GRM1: variants seen among roughly 807,000 people sequenced by gnomAD.
GRM1 encodes glutamate metabotropic receptor 1.
GRM1 carries 33 observed loss-of-function variants against 90.9 expected under a neutral mutation model. That is an observed-to-expected ratio of 0.36 (90% CI 0.28 to 0.49). The LOEUF (loss-of-function observed/expected upper bound fraction) is 0.49, where lower values mean the gene tolerates loss of function less well. GRM1 is among the 20% of genes least tolerant of loss of function. The pLI is 0.99. For missense variants in GRM1, 1,190 were observed against 1,534.3 expected (o/e 0.78, Z 3.75); for synonymous variants, 700 against 613.2 (o/e 1.14, Z -2.09).
chr6:146,226,321 A>G (rs1022898127), intron 2 of GRM1, among the ~76,000 whole-genome samples: 10 of 152,118 alleles, frequency 6.6e-5, no homozygotes, highest in Non-Finnish European at 8.8e-5. Context: ...TTCAGGAAAA[A>G]TCAACTTCAA....
At position 146,029,962 on chromosome 6, in the gene GRM1, C is replaced by G. The variant is rs201784351; in HGVS notation, c.445C>G (p.Pro149Ala). The stretch of plus-strand genomic sequence containing the variant: ...TCTGCCTGACGGCCAGTCCCTCCCC[C>G]CAGGCAGGACTAAGAAGCCCATTGC... ...RCLPDGQSLP[P>A]GRTKKPIAGV... Residue 149 changes from proline (P) to alanine (A), a missense_variant, in exon 1 of 8, where the codon CCA becomes GCA. Coordinates refer to ENST00000282753, the MANE Select transcript of GRM1 (RefSeq NM_001278064.2). The G allele has an allele frequency of 2.6e-5, 42 of 1,613,902 alleles. No homozygotes were observed. The highest frequency in any genetic ancestry group is 1.5e-4 in the Admixed American group (9 of 59,998).
chr6:146,382,862 C>T (rs1039369198), intron 5 of GRM1, among the ~76,000 whole-genome samples: 2 of 152,090 alleles, frequency 1.3e-5, no homozygotes, highest in African/African-American at 4.8e-5. Flanking sequence ...GAAAAGATGG[C>T]ATAGTCCTTT....
chr6:146,345,026 G>T (rs1785127685), intron 3 of GRM1, among the ~76,000 whole-genome samples: 1 of 152,052 alleles, frequency 6.6e-6, no homozygotes, highest in African/African-American at 2.4e-5. Flanking sequence ...GGTCAGGCTG[G>T]TCTCAAACTC....
intron 1 of GRM1, among the ~76,000 whole-genome samples, chr6:146,079,277 A>C (rs1440535481): frequency 6.6e-6 from 1 of 152,172 alleles, no homozygotes; most frequent in African/African-American, 2.4e-5. Flanking sequence ...AGTGATTTTT[A>C]GTTTAAAGGC....
chr6:146,398,382 A>C (rs1358582785), intron 6 of GRM1, among the ~76,000 whole-genome samples: 2 of 152,194 alleles, frequency 1.3e-5, no homozygotes, highest in Non-Finnish European at 2.9e-5. Flanking sequence ...TTTATTTCTT[A>C]ATAATTTATT....
intron 1 of GRM1, among the ~76,000 whole-genome samples, chr6:146,117,437 A>G (rs1562473769): frequency 6.6e-6 from 1 of 151,642 alleles, no homozygotes; most frequent in African/African-American, 2.4e-5. Flanking sequence ...TTATTGACCT[A>G]TTTGTTTATT....
chr6:146,345,767 A>T (rs892952391), intron 3 of GRM1, among the ~76,000 whole-genome samples: 6 of 152,202 alleles, frequency 3.9e-5, no homozygotes, highest in Non-Finnish European at 1.5e-5. Context: ...AGGCTTGGCA[A>T]GGATTCTGAC....
At chr6:146,170,000 T>C (rs193014720) in intron 2 of GRM1, among the ~76,000 whole-genome samples, 1 of 152,346 alleles carries the variant, frequency 6.6e-6, no homozygotes, top group Non-Finnish European at 1.5e-5. Context: ...GAGAATGTCT[T>C]TATTTCACCT....
chr6:146,281,977 A>G (rs1244691531), intron 2 of GRM1, among the ~76,000 whole-genome samples: 1 of 152,220 alleles, frequency 6.6e-6, no homozygotes, highest in Non-Finnish European at 1.5e-5. Flanking sequence ...CCAGTGGAGG[A>G]GGTTGACAGG....
At chr6:146,107,229 A>G (rs370853328) in intron 1 of GRM1, among the ~76,000 whole-genome samples, 60 of 152,332 alleles carry the variant, frequency 3.9e-4, no homozygotes, top group African/African-American at 1.4e-3. Context: ...GTCAAATACT[A>G]CTATTATTGT....
chr6:146,347,201 T>C (rs1387503467), intron 3 of GRM1, among the ~76,000 whole-genome samples: 1 of 152,214 alleles, frequency 6.6e-6, no homozygotes, highest in African/African-American at 2.4e-5. Context: ...TAATAATTTT[T>C]GCTAACAAAT....
chr6:146,135,904 A>G (rs1230292409), intron 1 of GRM1, among the ~76,000 whole-genome samples: 1 of 152,036 alleles, frequency 6.6e-6, no homozygotes, highest in Non-Finnish European at 1.5e-5. Flanking sequence ...ATACCCATTA[A>G]CTATCCCCAC....
intron 2 of GRM1, among the ~76,000 whole-genome samples, chr6:146,304,297 T>C (rs1783496143): frequency 6.6e-6 from 1 of 152,208 alleles, no homozygotes; most frequent in Non-Finnish European, 1.5e-5. Context: ...GCTTTGTGGC[T>C]GAATGTCTTC....
chr6:146,163,884 T>A (rs1562502650), intron 2 of GRM1, among the ~76,000 whole-genome samples: 2 of 152,174 alleles, frequency 1.3e-5, no homozygotes, highest in East Asian at 3.8e-4. Context: ...AACGGATAAC[T>A]CATTTAACCT....
intron 2 of GRM1, among the ~76,000 whole-genome samples, chr6:146,178,838 T>C (rs1778431968): frequency 6.6e-6 from 1 of 152,224 alleles, no homozygotes; most frequent in Non-Finnish European, 1.5e-5. Flanking sequence ...ACTTGTGTAC[T>C]GTTCATTATG....
intron 2 of GRM1, chr6:146,171,786 A>C (rs1271754943): frequency 3.3e-6 from 1 of 301,518 alleles, no homozygotes; most frequent in Non-Finnish European, 6.8e-6. Context: ...TCATTTGTGA[A>C]GAAGAATGTT....
intron 5 of GRM1, among the ~76,000 whole-genome samples, chr6:146,382,208 C>T (rs939494913): frequency 5.3e-5 from 8 of 151,406 alleles, no homozygotes; most frequent in African/African-American, 1.9e-4. Flanking sequence ...ACTTATTGAA[C>T]GTATACATCA....
intron 7 of GRM1, among the ~76,000 whole-genome samples, chr6:146,423,719 G>A (rs1778092488): frequency 6.6e-6 from 1 of 152,076 alleles, no homozygotes; most frequent in African/African-American, 2.4e-5. Flanking sequence ...CTCTGCTAAG[G>A]TCAGTACACC....
intron 1 of GRM1, 110 bp downstream of exon 1, chr6:146,030,327 G>C (rs1395986523): frequency 2.4e-6 from 2 of 829,928 alleles, no homozygotes; most frequent in African/African-American, 3.3e-5. Flanking sequence ...GTGGGGAACG[G>C]AGTTTACCCT....
Sources: gnomAD v4.1 joint callset for allele counts (sites outside exome capture counted in the v4.1 genomes callset) on GRCh38, gnomAD v4.1.1 for gene constraint, MANE v1.5 for transcripts, NCBI Gene and HGNC (gene_info 2026-07-23, HGNC 2026-07-21) for gene names.